The following GSG1L variants were observed in gnomAD, a reference collection of about 807,000 sequenced individuals.
GSG1L encodes the protein germ cell-specific gene 1-like protein.
GSG1L carries 24 observed loss-of-function variants against 42.1 expected under a neutral mutation model. The observed-to-expected ratio is 0.57, with a 90% confidence interval of 0.41 to 0.80. The LOEUF is 0.80. Ranked by LOEUF, GSG1L falls within the 30% of genes least tolerant of loss-of-function variation. GSG1L has a pLI of 0.00. For synonymous variants in GSG1L, 215 were observed against 203.5 expected, an observed-to-expected ratio of 1.06 and a Z score of -0.48; for missense variants, 445 against 472.2, an observed-to-expected ratio of 0.94 and a Z score of 0.53.
At chr16:27,881,141 C>T (rs1709775) in intron 3 of GSG1L, among the ~76,000 whole-genome samples, 95,305 of 151,780 alleles carry the variant, frequency 0.63, 30,509 homozygotes, top group Admixed American at 0.75. Flanking sequence ...TGAAATACAG[C>T]TAGCAATATA....
At chr16:27,806,457 T>A (rs2082963432) in intron 6 of GSG1L, among the ~76,000 whole-genome samples, 1 of 152,120 alleles carries the variant, frequency 6.6e-6, no homozygotes, top group Admixed American at 6.5e-5. Flanking sequence ...TGAGTGCCCA[T>A]GATATATTTA....
At chr16:27,968,674 G>A (rs984405232) in intron 1 of GSG1L, among the ~76,000 whole-genome samples, 3 of 152,192 alleles carry the variant, frequency 2.0e-5, no homozygotes, top group East Asian at 1.9e-4. Context: ...AAAGATGCCC[G>A]CCCTCCTGCA....
At chr16:28,007,192 G>T (rs977653353) in intron 1 of GSG1L, among the ~76,000 whole-genome samples, 1 of 152,176 alleles carries the variant, frequency 6.6e-6, no homozygotes, top group African/African-American at 2.4e-5. Flanking sequence ...GAGCTGGGGA[G>T]ATTAGCCAGG....
intron 6 of GSG1L, among the ~76,000 whole-genome samples, chr16:27,793,271 G>C (rs1361018812): frequency 6.6e-6 from 1 of 152,260 alleles, no homozygotes; most frequent in Middle Eastern, 3.4e-3. Flanking sequence ...GGGGTGGGGG[G>C]TAATATTTTT....
At chr16:28,053,927 C>A (rs1273717800) in intron 1 of GSG1L, among the ~76,000 whole-genome samples, 1 of 152,122 alleles carries the variant, frequency 6.6e-6, no homozygotes, top group Non-Finnish European at 1.5e-5. Context: ...CTCTGTGTCT[C>A]TGTCTCTCTC....
chr16:28,031,889 C>T lies in GSG1L; in HGVS notation c.349+31187G>A, dbSNP rs78342564. ...GAGAGCAGCCACTCCACAGAGATCACGCATTTCCTAATTCCTTGCCTTGAT... is the reference window on the plus strand; with the variant it reads ...GAGAGCAGCCACTCCACAGAGATCATGCATTTCCTAATTCCTTGCCTTGAT... On this transcript the variant is annotated intron_variant, in intron 1 of 6. Transcript: ENST00000447459. Among the ~76,000 whole-genome samples, 10 of 152,348 alleles carry T rather than the reference C, an allele frequency of 6.6e-5. No homozygotes were observed. In the East Asian group the frequency reaches 1.9e-3, roughly 29 times the overall value.
At chr16:27,874,798 A>T (rs957389058) in intron 3 of GSG1L, among the ~76,000 whole-genome samples, 5 of 152,072 alleles carry the variant, frequency 3.3e-5, no homozygotes, top group African/African-American at 9.7e-5. Flanking sequence ...AAGTAGAGTG[A>T]CTTCTGAATT....
chr16:28,038,767 C>A (rs752193136), intron 1 of GSG1L, among the ~76,000 whole-genome samples: 2 of 152,186 alleles, frequency 1.3e-5, no homozygotes, highest in Admixed American at 6.5e-5. Flanking sequence ...AAACCTGGCA[C>A]GTTATACCAG....
chr16:28,063,283 C>G lies in GSG1L; in HGVS notation c.142G>C (p.Gly48Arg). ...CCCGAGTTGGGGCAGTTGGCGCGCC[C>G]GCCCTGGCCGCAGCCCGGCTTGGGG... ...RVPKPGCGQG[G>R]RANCPNSGAN... The change falls in exon 1 of 7, where the codon GGG (glycine) becomes CGG (arginine). Residue 48 changes from glycine to arginine, a missense_variant. By Grantham distance (125) the Gly-to-Arg change is moderately radical. Around this residue, in one of 3 missense-constraint regions of GSG1L, gnomAD observed 156 missense variants for 128.3 expected, o/e 1.22. Transcript: ENST00000447459. This position sits in a 1 kb window ranked among gnomAD's most constrained non-coding sequence, Gnocchi z 5.8. The G allele has an allele frequency of 1.5e-6, 2 of 1,372,708 alleles. No individual in the cohort carries two copies. The highest frequency in any genetic ancestry group is 2.9e-5 in the South Asian group (2 of 69,702). The allele number at this position is 1,372,708 out of a possible 1,614,324, so 85.0% of individuals were successfully genotyped here. A position where few individuals can be genotyped will look rare whatever the true frequency, so the allele number is the denominator to read the frequency against.
chr16:28,015,910 G>T (rs1052294283), intron 1 of GSG1L, among the ~76,000 whole-genome samples: 1 of 152,194 alleles, frequency 6.6e-6, no homozygotes, highest in Non-Finnish European at 1.5e-5. Flanking sequence ...ATGGCAAATT[G>T]AGATGAAGAA....
At chr16:28,058,880 G>A (rs907521988) in intron 1 of GSG1L, among the ~76,000 whole-genome samples, 5 of 152,192 alleles carry the variant, frequency 3.3e-5, no homozygotes, top group African/African-American at 1.2e-4. Flanking sequence ...ACAGGTACAG[G>A]GAAGGCTAGC....
intron 1 of GSG1L, among the ~76,000 whole-genome samples, chr16:28,048,778 T>C (rs2086191964): frequency 6.6e-6 from 1 of 152,132 alleles, no homozygotes; most frequent in Admixed American, 6.5e-5. Context: ...TCATAATTTT[T>C]TAACTATGAA....
intron 1 of GSG1L, among the ~76,000 whole-genome samples, chr16:28,005,484 G>C (rs1286977374): frequency 6.6e-6 from 1 of 152,126 alleles, no homozygotes; most frequent in Non-Finnish European, 1.5e-5. Context: ...CCCCATTTTA[G>C]GAGGACATAC....
intron 2 of GSG1L, among the ~76,000 whole-genome samples, chr16:27,945,377 G>A (rs1261089706): frequency 6.6e-6 from 1 of 152,122 alleles, no homozygotes. Flanking sequence ...ATGGGCCAGG[G>A]AGAGGCATGT....
chr16:27,792,824 G>T (rs1297207844), intron 6 of GSG1L, among the ~76,000 whole-genome samples: 3 of 152,184 alleles, frequency 2.0e-5, no homozygotes, highest in African/African-American at 7.2e-5. Flanking sequence ...GAGTGAAGGG[G>T]GGAAGGAAGA....
At chr16:27,871,755 G>A (rs1214514958) in intron 3 of GSG1L, among the ~76,000 whole-genome samples, 2 of 152,248 alleles carry the variant, frequency 1.3e-5, no homozygotes, top group East Asian at 1.9e-4. Context: ...TTGAAAGCGT[G>A]TGAAGTGAAT....
intron 2 of GSG1L, among the ~76,000 whole-genome samples, chr16:27,917,776 G>A (rs1005064109): frequency 6.6e-6 from 1 of 152,188 alleles, no homozygotes; most frequent in Non-Finnish European, 1.5e-5. Context: ...GGCATAAACA[G>A]AAGAATAATT....
Position 27,961,279 on chromosome 16 carries a change from G to A in GSG1L, c.397+1877C>T, listed in dbSNP as rs114011356. On this transcript the variant is annotated intron_variant, in intron 2 of 6. Coordinates refer to ENST00000447459, the MANE Select transcript of GSG1L (RefSeq NM_001109763.2). ...ACACTCACCCTTACCCGGGACACAC[G>A]CACACATGCATGTGCACATACACAG... is the stretch of plus-strand genomic sequence containing the variant. 4.1e-3 allele frequency among the ~76,000 whole-genome samples: 628 copies of A among 152,262 alleles called. 4 individuals are homozygous for A. The highest frequency in any genetic ancestry group is 0.024 in the Middle Eastern group (7 of 294).
chr16:27,898,419 T>G (rs933300042), intron 2 of GSG1L, among the ~76,000 whole-genome samples: 5 of 143,378 alleles, frequency 3.5e-5, no homozygotes, highest in African/African-American at 1.3e-4. Flanking sequence ...TTCCCATCTC[T>G]AAAAGGGGGC....
Sources: gnomAD v4.1 joint callset for allele counts (sites outside exome capture counted in the v4.1 genomes callset) on GRCh38, gnomAD v4.1.1 for gene constraint, gnomAD v4.1.1 regional missense constraint, Gnocchi (gnomAD v3.1) non-coding constraint, MANE v1.5 for transcripts, NCBI Gene and HGNC (gene_info 2026-07-23, HGNC 2026-07-21) for gene names.